The following NTM variants were observed in gnomAD, a reference collection of about 807,000 sequenced individuals.
The protein encoded by NTM is IgLON family member 2.
A neutral mutation model predicts 42.1 loss-of-function variants in NTM; 13 were observed. The observed-to-expected ratio is 0.31, with a 90% CI of 0.20 to 0.49. The LOEUF is 0.49. Ranked by LOEUF, NTM falls within the 20% of genes least tolerant of loss-of-function variation. The pLI, the probability that NTM is intolerant of heterozygous loss-of-function variation, is 0.99. For synonymous variants in NTM, 187 were observed against 179.2 expected, an observed-to-expected ratio of 1.04 and a Z score of -0.35; for missense variants, 373 against 452.8, an observed-to-expected ratio of 0.82 and a Z score of 1.60.
chr11:131,811,396 G>C (rs925282792), intron 1 of NTM, among the ~76,000 whole-genome samples: 1 of 152,180 alleles, frequency 6.6e-6, no homozygotes, highest in Non-Finnish European at 1.5e-5. Context: ...CAGGATTTCA[G>C]TGTGCACATC....
intron 1 of NTM, among the ~76,000 whole-genome samples, chr11:131,495,728 G>A (rs939371296): frequency 6.6e-6 from 1 of 152,210 alleles, no homozygotes; most frequent in Non-Finnish European, 1.5e-5. Context: ...GCCCCAGACT[G>A]CTTCAAGCTG....
chr11:131,684,155 A>G (rs2073456556), intron 1 of NTM, among the ~76,000 whole-genome samples: 1 of 152,124 alleles, frequency 6.6e-6, no homozygotes, highest in Admixed American at 6.5e-5. Flanking sequence ...GTGGGAGTGA[A>G]ATGAGCTCCT....
At position 132,323,304 on chromosome 11, in the gene NTM, GA is replaced by G. The variant is rs574042304; in HGVS notation, c.935-6847del. ...CTAGCAAGACTAATAAAGAAAAAAA[GA>G]AGAATCAAATAGACGCAATAAAAAA... On this transcript the variant is annotated intron_variant, in intron 7 of 8. Transcript: ENST00000683400. Among the ~76,000 whole-genome samples, 1,068 of 152,166 alleles carry G rather than the reference GA, an allele frequency of 7.0e-3. 12 individuals carry two copies. The highest frequency in any genetic ancestry group is 0.025 in the African/African-American group (1,027 of 41,436).
intron 4 of NTM, among the ~76,000 whole-genome samples, chr11:132,248,910 G>C (rs371701363): frequency 4.6e-5 from 7 of 152,188 alleles, no homozygotes; most frequent in Non-Finnish European, 1.5e-5. Flanking sequence ...CTTCTTTCCC[G>C]GGGGAAATGT....
At chr11:131,863,457 T>C (rs149633529) in intron 1 of NTM, among the ~76,000 whole-genome samples, 24 of 152,276 alleles carry the variant, frequency 1.6e-4, no homozygotes, top group African/African-American at 5.5e-4. Flanking sequence ...AGAAGTACTG[T>C]AACCTGGGTC....
intron 7 of NTM, among the ~76,000 whole-genome samples, chr11:132,323,746 T>C (rs1443943174): frequency 6.6e-6 from 1 of 152,130 alleles, no homozygotes; most frequent in African/African-American, 2.4e-5. Context: ...TAGACCAATA[T>C]CCTTGATGAA....
chr11:131,529,501 G>A (rs1341969659), intron 1 of NTM, among the ~76,000 whole-genome samples: 3 of 152,100 alleles, frequency 2.0e-5, no homozygotes, highest in South Asian at 2.1e-4. Flanking sequence ...ATGCAGACAG[G>A]CTCATCAGTG....
intron 1 of NTM, among the ~76,000 whole-genome samples, chr11:131,483,597 T>C (rs1289582406): frequency 1.3e-5 from 2 of 152,232 alleles, no homozygotes; most frequent in African/African-American, 4.8e-5. Context: ...AGGGCTCTTC[T>C]CCAGCTCCCC....
At chr11:132,057,018 C>T (rs1173965110) in intron 2 of NTM, among the ~76,000 whole-genome samples, 1 of 152,190 alleles carries the variant, frequency 6.6e-6, no homozygotes, top group Non-Finnish European at 1.5e-5. Context: ...TGCATTCTTC[C>T]CCCACAGAAA....
intron 1 of NTM, among the ~76,000 whole-genome samples, chr11:131,710,289 T>G (rs1358195895): frequency 6.6e-6 from 1 of 152,182 alleles, no homozygotes; most frequent in Non-Finnish European, 1.5e-5. Flanking sequence ...TTTTCAAAAC[T>G]ACTTAATGAC....
intron 4 of NTM, among the ~76,000 whole-genome samples, chr11:132,245,964 T>C (rs1366718290): frequency 2.6e-5 from 4 of 152,114 alleles, no homozygotes; most frequent in African/African-American, 9.7e-5. Context: ...GTCAGGATCT[T>C]TTCTCCCCGG....
chr11:131,936,466 G>A (rs1593007339), intron 2 of NTM, among the ~76,000 whole-genome samples: 5 of 152,140 alleles, frequency 3.3e-5, no homozygotes, highest in Admixed American at 3.3e-4. Context: ...TTGCTGAGTG[G>A]TATAATGGAC....
intron 2 of NTM, among the ~76,000 whole-genome samples, chr11:131,995,042 GA>G (rs1477602889): frequency 6.6e-6 from 1 of 151,986 alleles, no homozygotes; most frequent in Non-Finnish European, 1.5e-5. Context: ...TTGCATTATT[GA>G]AATGAGCCAG....
intron 1 of NTM, among the ~76,000 whole-genome samples, chr11:131,668,490 G>T (rs2739272): frequency 0.16 from 24,463 of 152,030 alleles, 2,352 homozygotes; most frequent in East Asian, 0.37. Context: ...GACAGCACCC[G>T]CGTGGCCACC....
chr11:131,852,760 C>G (rs1054334950), intron 1 of NTM, among the ~76,000 whole-genome samples: 17 of 152,056 alleles, frequency 1.1e-4, no homozygotes, highest in African/African-American at 3.9e-4. Context: ...CTCATCCATC[C>G]AACTATTCAT....
At chr11:131,480,530 AC>A (rs1394543694) in intron 1 of NTM, among the ~76,000 whole-genome samples, 1 of 152,208 alleles carries the variant, frequency 6.6e-6, no homozygotes, top group Non-Finnish European at 1.5e-5. Flanking sequence ...CCTAAATGCC[AC>A]AAATGCTTCA....
intron 2 of NTM, among the ~76,000 whole-genome samples, chr11:132,124,324 T>G (rs1310330444): frequency 6.6e-6 from 1 of 152,182 alleles, no homozygotes; most frequent in Admixed American, 6.5e-5. Flanking sequence ...GGGCTGGCTT[T>G]TGGTGGTTTT....
chr11:131,701,248 G>A (rs568306900), intron 1 of NTM, among the ~76,000 whole-genome samples: 9 of 152,296 alleles, frequency 5.9e-5, no homozygotes, highest in African/African-American at 1.9e-4. Flanking sequence ...AATCCACTGA[G>A]CCTGGTTTCT....
chr11:131,456,885 G>T (rs1389805128), intron 1 of NTM, among the ~76,000 whole-genome samples: 1 of 152,120 alleles, frequency 6.6e-6, no homozygotes, highest in South Asian at 2.1e-4. Flanking sequence ...CTATCTCTAT[G>T]ATTTTCATGC....
Sources: gnomAD v4.1 joint callset for allele counts (sites outside exome capture counted in the v4.1 genomes callset) on GRCh38, gnomAD v4.1.1 for gene constraint, MANE v1.5 for transcripts, NCBI Gene and HGNC (gene_info 2026-07-23, HGNC 2026-07-21) for gene names.